CCDC38: variants seen among roughly 807,000 people sequenced by gnomAD.
CCDC38 encodes the protein coiled-coil domain-containing protein 38.
Under a neutral mutation model 72.8 loss-of-function variants are expected in CCDC38, and 69 were observed. The ratio of observed to expected loss-of-function variants is 0.95; its 90% CI spans 0.78 to 1.16. The LOEUF (loss-of-function observed/expected upper bound fraction) is 1.16. Ranked by LOEUF, CCDC38 falls within the 50% of genes most tolerant of loss-of-function variation. The probability of loss-of-function intolerance (pLI) is 0.00; values close to 1 mark genes in which losing one functional copy is unlikely to be tolerated. For synonymous variants in CCDC38, 201 were observed against 213.2 expected, an observed-to-expected ratio of 0.94 and a Z score of 0.50; for missense variants, 626 against 638.9, an observed-to-expected ratio of 0.98 and a Z score of 0.22.
At position 95,879,723 on chromosome 12, in the gene CCDC38, T is replaced by G; in HGVS notation, c.1063A>C (p.Thr355Pro). ...VLRELEEQNL[T>P]LFQYSQDVDE... ...ACATCTTGGGAATATTGAAACAAAGTAAGATTCTGCTCTTCCAGCTCTCTG... is the reference window on the plus strand; with the variant it reads ...ACATCTTGGGAATATTGAAACAAAGGAAGATTCTGCTCTTCCAGCTCTCTG... Residue 355 changes from threonine (T) to proline (P), a missense_variant, in exon 12 of 16, where the codon ACT becomes CCT. Thr to Pro is a conservative substitution (Grantham distance 38). Coordinates refer to ENST00000344280, the MANE Select transcript of CCDC38 (RefSeq NM_182496.3). The surrounding 1 kb of genome is among the most constrained non-coding windows in gnomAD (Gnocchi z 5.5). The G allele has an allele frequency of 6.2e-7, 1 of 1,611,686 alleles. No homozygotes were observed. The highest frequency in any genetic ancestry group is 1.1e-5 in the South Asian group (1 of 90,926).
rs1223681648 is a variant in CCDC38, at chr12:95,872,410, G to A, written c.1329C>T (p.Val443=). ...CGTCATCCTCAGCATCTCCAATGCA[G>A]ACTTTGTATACTTGAGTAATCTTTT... ...LSKKITQVYK[V]CIGDAEDDGL... is the part of the protein sequence containing the mutation. The change falls in exon 14 of 16, where the codon GTC becomes GTT. Residue 443 remains valine, a synonymous_variant. Transcript: ENST00000344280. 4 of 1,614,106 alleles carry A rather than the reference G, an allele frequency of 2.5e-6. No homozygotes were observed. The Admixed American group carries it at 5.0e-5, about 20-fold the overall frequency.
intron 5 of CCDC38, among the ~76,000 whole-genome samples, chr12:95,905,562 TACTA>T (rs1404276252): frequency 1.1e-4 from 16 of 152,308 alleles, no homozygotes; most frequent in African/African-American, 3.1e-4. Flanking sequence ...CGTATGGAAG[TACTA>T]ACTAACTAAA....
chr12:95,874,097 A>T (rs2079610448), intron 13 of CCDC38, among the ~76,000 whole-genome samples: 1 of 152,214 alleles, frequency 6.6e-6, no homozygotes, highest in African/African-American at 2.4e-5. Context: ...GTAACAACAC[A>T]TTCTTTTTCT....
At chr12:95,886,981 C>A (rs1382003581) in intron 10 of CCDC38, among the ~76,000 whole-genome samples, 1 of 152,112 alleles carries the variant, frequency 6.6e-6, no homozygotes, top group Non-Finnish European at 1.5e-5. Context: ...GTCAGAAGTT[C>A]GAGACCAGCC....
intron 8 of CCDC38, among the ~76,000 whole-genome samples, chr12:95,894,537 T>A (rs1461443171): frequency 3.9e-5 from 6 of 152,116 alleles, no homozygotes; most frequent in Non-Finnish European, 5.9e-5. Context: ...TAGGAATGAG[T>A]GAGTTCTTAC....
intron 4 of CCDC38, among the ~76,000 whole-genome samples, chr12:95,911,971 C>A (rs1020291588): frequency 6.6e-6 from 1 of 152,138 alleles, no homozygotes; most frequent in Admixed American, 6.5e-5. Context: ...AACCTAGATG[C>A]CCATCAACAG....
chr12:95,917,718 A>C (rs1056970858), intron 3 of CCDC38, among the ~76,000 whole-genome samples: 6 of 152,008 alleles, frequency 3.9e-5, no homozygotes, highest in African/African-American at 1.4e-4. Flanking sequence ...CTAAAAATAC[A>C]AAAATTAGCC....
chr12:95,886,006 T>C (rs1346162392), intron 10 of CCDC38, among the ~76,000 whole-genome samples: 1 of 152,216 alleles, frequency 6.6e-6, no homozygotes, highest in Non-Finnish European at 1.5e-5. Flanking sequence ...GTGTAATTGC[T>C]ATTCTAACTT....
rs762274107 is a variant in CCDC38 at position 95,895,091 on chromosome 12, GA to G, written c.669del (p.Leu224CysfsTer15). The stretch of plus-strand genomic sequence containing the variant: ...CAATGTTTTGGAGACATTTGCAGCA[GA>G]AAAAAACCATATTTCATATACTCCC... ...LLREYMKYGFFLLQMSPKHWQ... is the reference protein window; with the variant it reads ...LLREYMKYGFXLLQMSPKHWQ... On this transcript the variant is annotated frameshift_variant, in exon 8 of 16. Coordinates refer to ENST00000344280, the MANE Select transcript of CCDC38 (RefSeq NM_182496.3). LOFTEE classifies it high-confidence loss of function. 3.3e-5 allele frequency: 53 copies of G among 1,611,574 alleles called. No individual in the cohort carries two copies. Among genetic ancestry groups the G allele is most frequent in the Admixed American group, 5.0e-5 (3 of 59,652 alleles).
rs546908013 is a variant in CCDC38 at position 95,917,656 on chromosome 12, T to C, written c.139-362A>G. Among the ~76,000 whole-genome samples the C allele has an allele frequency of 1.1e-3, 173 of 152,226 alleles. 1 individual carries two copies. The highest frequency in any genetic ancestry group is 3.4e-3 in the African/African-American group (141 of 41,542). On this transcript the variant is annotated intron_variant, in intron 3 of 15. Transcript: ENST00000344280. Reference sequence around the variant, plus strand: ...GGGAGTCCAAGGCGGGCAGATCACCTGAGGTCAGGAGTTCAAGACCAGCCT... The same window carrying C: ...GGGAGTCCAAGGCGGGCAGATCACCCGAGGTCAGGAGTTCAAGACCAGCCT...
intron 2 of CCDC38, chr12:95,934,938 G>A (rs1352558452): frequency 6.6e-6 from 1 of 152,238 alleles, no homozygotes; most frequent in Non-Finnish European, 1.5e-5. Context: ...CCCCCAGGAG[G>A]CGGAGGTTGC....
intron 2 of CCDC38, among the ~76,000 whole-genome samples, chr12:95,930,920 G>T (rs2080330655): frequency 6.6e-6 from 1 of 152,030 alleles, no homozygotes; most frequent in African/African-American, 2.4e-5. Context: ...TCTTCCTTTT[G>T]TTACTATTAT....
At chr12:95,927,531 C>G (rs1029482007) in intron 2 of CCDC38, among the ~76,000 whole-genome samples, 6 of 151,876 alleles carry the variant, frequency 4.0e-5, no homozygotes, top group Non-Finnish European at 8.8e-5. Context: ...GCATTTAGTC[C>G]ACTTACATTT....
chr12:95,917,004 C>T, intron 4 of CCDC38, 125 bp downstream of exon 4: 1 of 598,530 alleles, frequency 1.7e-6, no homozygotes, highest in South Asian at 3.5e-5. Context: ...TCCCCATGTA[C>T]TAAGACTCCC....
intron 2 of CCDC38, among the ~76,000 whole-genome samples, chr12:95,924,437 T>C (rs1263299899): frequency 7.2e-6 from 1 of 139,236 alleles, no homozygotes; most frequent in African/African-American, 2.7e-5. Flanking sequence ...TTCTGGATAT[T>C]AGCCCTTTGT....
At chr12:95,892,855 C>T (rs969605833) in intron 8 of CCDC38, among the ~76,000 whole-genome samples, 3 of 152,114 alleles carry the variant, frequency 2.0e-5, no homozygotes, top group Admixed American at 6.5e-5. Flanking sequence ...AGGCATGAGC[C>T]ACCACACCCG....
intron 13 of CCDC38, among the ~76,000 whole-genome samples, chr12:95,877,613 T>A (rs1180556508): frequency 1.3e-5 from 2 of 152,148 alleles, no homozygotes; most frequent in African/African-American, 4.8e-5. Context: ...CAACAAACAT[T>A]TATTGAGCAC....
Position 95,916,379 on chromosome 12 carries a change from G to GCCTGCCTGCCTTCCTTCCTT in CCDC38, c.304+749_304+750insAAGGAAGGAAGGCAGGCAGG, listed in dbSNP as rs1457231674. ...GAAAATTTTTTTAAGTTGCCTGCCT[G>GCCTGCCTGCCTTCCTTCCTT]CCTTCCTTCCTTCCTTCCTTCCTTC... On this transcript the variant is annotated intron_variant, in intron 4 of 15. Coordinates refer to ENST00000344280, the MANE Select transcript of CCDC38 (RefSeq NM_182496.3). 4.6e-3 allele frequency among the ~76,000 whole-genome samples: 671 copies of GCCTGCCTGCCTTCCTTCCTT among 147,412 alleles called. 6 individuals are homozygous for GCCTGCCTGCCTTCCTTCCTT. Among genetic ancestry groups the GCCTGCCTGCCTTCCTTCCTT allele is most frequent in the South Asian group, 0.017 (79 of 4,534 alleles).
chr12:95,869,819 C>G (rs1197726670), intron 14 of CCDC38: 1 of 322,772 alleles, frequency 3.1e-6, no homozygotes, highest in Non-Finnish European at 5.2e-6. Context: ...AGATCTTGGT[C>G]TATTTTTTTT....
Sources: gnomAD v4.1 joint callset for allele counts (sites outside exome capture counted in the v4.1 genomes callset) on GRCh38, gnomAD v4.1.1 for gene constraint, Gnocchi (gnomAD v3.1) non-coding constraint, MANE v1.5 for transcripts, NCBI Gene and HGNC (gene_info 2026-07-23, HGNC 2026-07-21) for gene names.